The following SP140 variants were observed in gnomAD, a reference collection of about 807,000 sequenced individuals.
SP140 encodes the protein nuclear body protein SP140.
In SP140, 81 loss-of-function variants were observed where a neutral mutation model predicts 125.0. The observed-to-expected ratio is 0.65, with a 90% CI of 0.54 to 0.78. The LOEUF (loss-of-function observed/expected upper bound fraction) is 0.78, where lower values mean the gene tolerates loss of function less well. Among genes scored for constraint, SP140 ranks in the 30% least tolerant of loss-of-function variants. The pLI is 0.00. For missense variants in SP140, 858 were observed against 1,037.0 expected, an observed-to-expected ratio of 0.83 and a Z score of 2.37; for synonymous variants, 312 against 354.0, an observed-to-expected ratio of 0.88 and a Z score of 1.33.
At chr2:230,217,612 ACTGCACCTGTTTATACTGTT>A (rs2148958494) in intron 3 of SP140, among the ~76,000 whole-genome samples, 1 of 152,332 alleles carries the variant, frequency 6.6e-6, no homozygotes. Flanking sequence ...GGTTCCTATG[ACTGCACCTGTTTATACTGTT>A]GAGGAACTGA....
At chr2:230,224,701 T>C (rs891740980), upstream of SP140, among the ~76,000 whole-genome samples, 11 of 152,338 alleles carry the variant, frequency 7.2e-5, no homozygotes, top group South Asian at 2.1e-3. Flanking sequence ...TCCTTGCATA[T>C]GTGTAATGAA....
At chr2:230,243,121 A>G (rs1374184263) in intron 4 of SP140, among the ~76,000 whole-genome samples, 9 of 152,164 alleles carry the variant, frequency 5.9e-5, no homozygotes, top group Non-Finnish European at 1.3e-4. Flanking sequence ...GGTGGAATAA[A>G]ATTTCCCCCA....
At chr2:230,246,046 TATCCATCC>T in intron 7 of SP140, 106 bp downstream of exon 7, 2 of 677,226 alleles carry the variant, frequency 3.0e-6, no homozygotes, top group Non-Finnish European at 5.3e-6. Context: ...TTCATCCATA[TATCCATCC>T]ATCCATCCAT....
intron 3 of SP140, chr2:230,215,195 T>C: frequency 2.5e-6 from 3 of 1,204,420 alleles, no homozygotes; most frequent in Non-Finnish European, 3.7e-6. Flanking sequence ...GTTTTCTAAG[T>C]TTTAAGAAAG....
intron 15 of SP140, among the ~76,000 whole-genome samples, chr2:230,282,754 G>T (rs957461631): frequency 6.6e-6 from 1 of 152,236 alleles, no homozygotes; most frequent in Non-Finnish European, 1.5e-5. Context: ...TTTCATACAA[G>T]AAGCACAATC....
chr2:230,255,363 A>C, intron 11 of SP140, 89 bp from the exon 12 acceptor site: 1 of 1,478,552 alleles, frequency 6.8e-7, no homozygotes. Flanking sequence ...GAGATACTTC[A>C]GCTTTCCACA....
At chr2:230,253,161 G>A (rs1039062631) in intron 10 of SP140, among the ~76,000 whole-genome samples, 155 bp from the exon 11 acceptor site, 1 of 152,128 alleles carries the variant, frequency 6.6e-6, no homozygotes, top group Non-Finnish European at 1.5e-5. Flanking sequence ...AGAACGGTGA[G>A]GAGGACACTG....
chr2:230,220,181 A>T, intron 3 of SP140: 1 of 613,380 alleles, frequency 1.6e-6, no homozygotes, highest in Non-Finnish European at 2.0e-6. Flanking sequence ...GGATCAGCCC[A>T]GAGAGGGAGG....
intron 26 of SP140, 104 bp from the exon 27 acceptor site, chr2:230,312,480 CAG>C (rs920044774): frequency 4.3e-6 from 3 of 697,344 alleles, no homozygotes; most frequent in Non-Finnish European, 7.2e-6. Flanking sequence ...TGTAGACTTA[CAG>C]TACTTTTTTT....
At chr2:230,266,661 C>T (rs2053174397) in intron 12 of SP140, among the ~76,000 whole-genome samples, 2 of 152,188 alleles carry the variant, frequency 1.3e-5, no homozygotes, top group Admixed American at 1.3e-4. Context: ...ATCGAGCTCA[C>T]CCAGGTTGTT....
intron 17 of SP140, 62 bp from the exon 18 acceptor site, chr2:230,287,830 C>A: frequency 2.1e-6 from 3 of 1,400,126 alleles, no homozygotes; most frequent in Non-Finnish European, 2.9e-6. Context: ...TTTTGAAAAG[C>A]TGTAATATGT....
chr2:230,250,378 G>A (rs1324168207), intron 9 of SP140, among the ~76,000 whole-genome samples: 3 of 152,034 alleles, frequency 2.0e-5, no homozygotes, highest in African/African-American at 4.8e-5. Flanking sequence ...TCTACTAATG[G>A]CATCAATTGT....
chr2:230,279,245 T>C (rs1032309604), intron 15 of SP140, among the ~76,000 whole-genome samples: 6 of 152,100 alleles, frequency 3.9e-5, no homozygotes, highest in African/African-American at 1.2e-4. Flanking sequence ...TTACCCAAAG[T>C]GATCTGAAGA....
chr2:230,201,000 G>T, upstream of SP140: 1 of 1,514,736 alleles, frequency 6.6e-7, no homozygotes. Context: ...ATGCCCCTTG[G>T]GAAACACCAT....
At chr2:230,238,869 T>C (rs1448991502) in intron 3 of SP140, 3 of 1,552,176 alleles carry the variant, frequency 1.9e-6, no homozygotes, top group Non-Finnish European at 2.6e-6. Flanking sequence ...AGGAGCTGCA[T>C]GTGAAAGCTA....
At chr2:230,242,943 A>G (rs2048920630) in intron 4 of SP140, among the ~76,000 whole-genome samples, 2 of 152,146 alleles carry the variant, frequency 1.3e-5, no homozygotes, top group South Asian at 4.1e-4. Context: ...CACTTCAACT[A>G]GATGGGATAT....
At chr2:230,194,150 G>A in the SP140 span, among the ~76,000 whole-genome samples, 1 of 152,096 alleles carries the variant, frequency 6.6e-6, no homozygotes, top group Non-Finnish European at 1.5e-5. Context: ...AAAAATTAGA[G>A]GGCTTTCCAA....
At chr2:230,256,979 G>A (rs2051322149) in intron 12 of SP140, among the ~76,000 whole-genome samples, 2 of 152,144 alleles carry the variant, frequency 1.3e-5, no homozygotes, top group Non-Finnish European at 2.9e-5. Context: ...GTTTTAAGGA[G>A]CCAGAAACAC....
At chr2:230,234,283 C>A (rs1046595464) in intron 1 of SP140, among the ~76,000 whole-genome samples, 1 of 152,190 alleles carries the variant, frequency 6.6e-6, no homozygotes, top group African/African-American at 2.4e-5. Flanking sequence ...ATGACAGTCA[C>A]TGTGGTAGAG....
Sources: allele counts gnomAD v4.1 joint callset (sites outside exome capture counted in the v4.1 genomes callset), GRCh38; gene constraint gnomAD v4.1.1; transcripts MANE v1.5; gene names NCBI Gene and HGNC (gene_info 2026-07-23, HGNC 2026-07-21).